Variants in CDH4 observed in about 807,000 individuals in gnomAD.
The protein encoded by CDH4 is cadherin 4, also known as cadherin-4.
Under a neutral mutation model 86.0 loss-of-function variants are expected in CDH4, and 33 were observed. The observed-to-expected ratio is 0.38, with a 90% confidence interval of 0.29 to 0.51. The LOEUF (loss-of-function observed/expected upper bound fraction) is 0.51. Among genes scored for constraint, CDH4 ranks in the 20% least tolerant of loss-of-function variants. The pLI, the probability that CDH4 is intolerant of heterozygous loss-of-function variation, is 0.86. For missense variants in CDH4, 1,114 were observed against 1,307.4 expected, an observed-to-expected ratio of 0.85 and a Z score of 2.28; for synonymous variants, 555 against 549.4, an observed-to-expected ratio of 1.01 and a Z score of -0.14.
At chr20:61,332,855 G>T (rs1045327377) in intron 2 of CDH4, among the ~76,000 whole-genome samples, 8 of 152,302 alleles carry the variant, frequency 5.3e-5, no homozygotes, top group African/African-American at 1.4e-4. Context: ...AGGCTATTTC[G>T]GGAGAAGGCT....
chr20:61,736,480 T>C (rs2088264266), intron 2 of CDH4, among the ~76,000 whole-genome samples: 1 of 152,178 alleles, frequency 6.6e-6, no homozygotes, highest in Admixed American at 6.5e-5. Context: ...GCACGTCTGA[T>C]GTGATGACTT....
chr20:61,871,572 T>C (rs187668436), intron 6 of CDH4, among the ~76,000 whole-genome samples: 2 of 152,316 alleles, frequency 1.3e-5, no homozygotes, highest in East Asian at 3.9e-4. Context: ...CTTCAGGGTT[T>C]TCCTCTTAGG....
chr20:61,268,140 G>T (rs2084166459), intron 2 of CDH4, among the ~76,000 whole-genome samples: 1 of 152,246 alleles, frequency 6.6e-6, no homozygotes. Context: ...TTCTGTGTTG[G>T]GCAGCTGGAG....
At chr20:61,653,128 G>A in intron 2 of CDH4, among the ~76,000 whole-genome samples, 1 of 125,076 alleles carries the variant, frequency 8.0e-6, no homozygotes, top group African/African-American at 2.8e-5. Context: ...ATTAGGGAGT[G>A]GTGATGACTC....
At chr20:61,839,146 C>T (rs1010760858) in intron 4 of CDH4, among the ~76,000 whole-genome samples, 2 of 152,248 alleles carry the variant, frequency 1.3e-5, no homozygotes, top group Non-Finnish European at 2.9e-5. Flanking sequence ...TCTGGAAGAA[C>T]TTGATCCAGG....
At chr20:61,624,903 A>G (rs2086815920) in intron 2 of CDH4, among the ~76,000 whole-genome samples, 1 of 152,358 alleles carries the variant, frequency 6.6e-6, no homozygotes, top group African/African-American at 2.4e-5. Flanking sequence ...CACCATCTGC[A>G]GAACCTGCAG....
intron 2 of CDH4, among the ~76,000 whole-genome samples, chr20:61,670,741 A>C (rs551282777): frequency 6.6e-6 from 1 of 152,326 alleles, no homozygotes; most frequent in South Asian, 2.1e-4. Flanking sequence ...GGTGGGGCCC[A>C]GGGTGTCAAC....
At chr20:61,854,836 C>T (rs571049462) in intron 6 of CDH4, among the ~76,000 whole-genome samples, 1 of 148,482 alleles carries the variant, frequency 6.7e-6, no homozygotes, top group Non-Finnish European at 1.5e-5. Context: ...GGTCCACCCC[C>T]AGGGCTGCAG....
At chr20:61,844,582 C>T in intron 4 of CDH4, 86 bp from the exon 5 acceptor site, 1 of 1,331,954 alleles carries the variant, frequency 7.5e-7, no homozygotes, top group Non-Finnish European at 1.0e-6. Flanking sequence ...TCGAGGAACT[C>T]ATGAGAGGGG....
At chr20:61,477,544 C>A (rs1008933456) in intron 2 of CDH4, among the ~76,000 whole-genome samples, 1 of 152,194 alleles carries the variant, frequency 6.6e-6, no homozygotes, top group Non-Finnish European at 1.5e-5. Flanking sequence ...GTGCTTTCTG[C>A]GGAGCGTGGA....
At chr20:61,706,234 G>T (rs1022273149) in intron 2 of CDH4, among the ~76,000 whole-genome samples, 6 of 152,136 alleles carry the variant, frequency 3.9e-5, no homozygotes, top group African/African-American at 1.4e-4. Flanking sequence ...GTCTCAGAGG[G>T]TCTGGGCAGC....
chr20:61,454,271 CG>C (rs1429558774), intron 2 of CDH4, among the ~76,000 whole-genome samples: 1 of 152,052 alleles, frequency 6.6e-6, no homozygotes, highest in Non-Finnish European at 1.5e-5. Context: ...ATACTCAAGA[CG>C]GGGAGTCAGC....
intron 2 of CDH4, among the ~76,000 whole-genome samples, chr20:61,265,787 A>C (rs1036187002): frequency 6.6e-6 from 1 of 152,152 alleles, no homozygotes; most frequent in Non-Finnish European, 1.5e-5. Context: ...TGGGTCAGGG[A>C]GGTCTATCTG....
At chr20:61,604,352 C>G (rs1041680535) in intron 2 of CDH4, among the ~76,000 whole-genome samples, 5 of 152,146 alleles carry the variant, frequency 3.3e-5, no homozygotes, top group African/African-American at 1.2e-4. Flanking sequence ...TGGACAGTGA[C>G]GATGATCTCC....
chr20:61,392,721 TTGAACCTTGGACTG>T lies in CDH4; in HGVS notation c.169+137786_169+137799del, dbSNP rs2084993218. The stretch of plus-strand genomic sequence containing the variant: ...AAGACATTTTCCCGTGCTGTTAAAT[TTGAACCTTGGACTG>T]TTTCTCACAGTATTCATCAGAAACT... On this transcript the variant is annotated intron_variant, in intron 2 of 15. Transcript: ENST00000614565. The surrounding 1 kb of genome is among the most constrained non-coding windows in gnomAD (Gnocchi z 5.7). 6.6e-6 allele frequency among the ~76,000 whole-genome samples: 1 copy of T among 152,198 alleles called. No individual in the cohort carries two copies. The highest frequency in any genetic ancestry group is 6.5e-5 in the Admixed American group (1 of 15,286).
chr20:61,897,984 G>T (rs1255361050), intron 8 of CDH4, among the ~76,000 whole-genome samples: 15 of 152,220 alleles, frequency 9.9e-5, no homozygotes, highest in Admixed American at 9.8e-4. Context: ...ATGGACGGAT[G>T]ACCCTGGCAG....
chr20:61,925,183 G>A (rs999610819), intron 11 of CDH4, among the ~76,000 whole-genome samples: 8 of 152,192 alleles, frequency 5.3e-5, no homozygotes, highest in African/African-American at 1.9e-4. Context: ...AAGAAGGTTT[G>A]AGAGCACGTG....
At chr20:61,494,252 C>T (rs1265077667) in intron 2 of CDH4, among the ~76,000 whole-genome samples, 1 of 152,210 alleles carries the variant, frequency 6.6e-6, no homozygotes. Context: ...CTTCATCCTC[C>T]TTTCTCTAAA....
intron 2 of CDH4, among the ~76,000 whole-genome samples, chr20:61,279,851 G>A (rs1395769527): frequency 3.9e-5 from 6 of 152,198 alleles, no homozygotes; most frequent in Non-Finnish European, 8.8e-5. Context: ...GAGTAACGGG[G>A]TGATTGCACA....
Sources: allele counts gnomAD v4.1 joint callset (sites outside exome capture counted in the v4.1 genomes callset), GRCh38; gene constraint gnomAD v4.1.1; non-coding constraint Gnocchi (gnomAD v3.1); transcripts MANE v1.5; gene names NCBI Gene and HGNC (gene_info 2026-07-23, HGNC 2026-07-21).